HMGN3: variants seen among roughly 807,000 people sequenced by gnomAD.
The protein encoded by HMGN3 is high mobility group nucleosome-binding domain-containing protein 3.
Under a neutral mutation model 18.8 loss-of-function variants are expected in HMGN3, and 6 were observed. The observed-to-expected ratio is 0.32, with a 90% confidence interval of 0.18 to 0.63. The LOEUF (loss-of-function observed/expected upper bound fraction) is 0.63, where lower values mean the gene tolerates loss of function less well. Among genes scored for constraint, HMGN3 ranks in the 30% least tolerant of loss-of-function variants. The pLI is 0.79. For synonymous variants in HMGN3, 40 were observed against 36.5 expected, an observed-to-expected ratio of 1.10 and a Z score of -0.35; for missense variants, 107 against 114.2, an observed-to-expected ratio of 0.94 and a Z score of 0.29.
At chr6:79,210,920 T>C (rs1252727816) in intron 2 of HMGN3, among the ~76,000 whole-genome samples, 1 of 144,574 alleles carries the variant, frequency 6.9e-6, no homozygotes, top group African/African-American at 2.5e-5. Context: ...CTACTGGGAC[T>C]AACAGCTGTT....
intron 1 of HMGN3, among the ~76,000 whole-genome samples, chr6:79,230,526 T>C (rs564984111): frequency 6.6e-6 from 1 of 152,342 alleles, no homozygotes; most frequent in South Asian, 2.1e-4. Flanking sequence ...CAGTAGGTTT[T>C]TAATCTTTTT....
intron 1 of HMGN3, among the ~76,000 whole-genome samples, chr6:79,229,599 C>T (rs1360017278): frequency 6.6e-6 from 1 of 152,124 alleles, no homozygotes; most frequent in Non-Finnish European, 1.5e-5. Flanking sequence ...CATAGACGGC[C>T]GGGCGCCGTG....
At chr6:79,214,573 C>T (rs1776876588) in intron 2 of HMGN3, among the ~76,000 whole-genome samples, 1 of 152,230 alleles carries the variant, frequency 6.6e-6, no homozygotes, top group East Asian at 1.9e-4. Context: ...TTATAATCCA[C>T]TCACTGGAGC....
chr6:79,223,531 C>T (rs1357458802), intron 1 of HMGN3, among the ~76,000 whole-genome samples: 1 of 151,804 alleles, frequency 6.6e-6, no homozygotes, highest in Non-Finnish European at 1.5e-5. Context: ...CAAACACACA[C>T]ACAAACAAAC....
Position 79,234,526 on chromosome 6 carries a change from C to T in HMGN3, c.15+20G>A. The T allele has an allele frequency of 1.2e-6, 2 of 1,609,530 alleles. No homozygotes were observed. The highest frequency in any genetic ancestry group is 8.5e-7 in the Non-Finnish European group (1 of 1,176,628). ...AGCAGAATTTGAAGGCTTTTGAAAT[C>T]TTTTTTTGGTAAGACTTACCTTTCT... On this transcript the variant is annotated intron_variant, in intron 1 of 5. Coordinates refer to ENST00000344726, the Ensembl canonical transcript of HMGN3.
chr6:79,215,938 G>A (rs1776961053), intron 1 of HMGN3, among the ~76,000 whole-genome samples: 1 of 152,098 alleles, frequency 6.6e-6, no homozygotes, highest in Non-Finnish European at 1.5e-5. Context: ...TCTGAATAGA[G>A]CTCCTGTTAG....
intron 1 of HMGN3, among the ~76,000 whole-genome samples, chr6:79,215,693 A>C (rs1186204084): frequency 2.6e-5 from 4 of 152,156 alleles, no homozygotes. Context: ...TGATTCCTTT[A>C]AAGGATGTGT....
At chr6:79,228,034 C>T (rs1318096311) in intron 1 of HMGN3, among the ~76,000 whole-genome samples, 1 of 152,174 alleles carries the variant, frequency 6.6e-6, no homozygotes, top group African/African-American at 2.4e-5. Context: ...TGAAACACAA[C>T]AGGGTGGTTA....
intron 1 of HMGN3, among the ~76,000 whole-genome samples, chr6:79,216,826 C>T (rs555174843): frequency 1.3e-5 from 2 of 152,176 alleles, no homozygotes; most frequent in Admixed American, 6.5e-5. Flanking sequence ...TCTGGCCACA[C>T]AACAGACCCT....
At position 79,228,010 on chromosome 6, in the gene HMGN3, C is replaced by G. The variant is rs114205068; in HGVS notation, c.15+6536G>C. Among the ~76,000 whole-genome samples, 5 of 152,234 alleles carry G rather than the reference C, an allele frequency of 3.3e-5. No individual in the cohort carries two copies. In the East Asian group the frequency reaches 9.7e-4, roughly 29 times the overall value. On this transcript the variant is annotated intron_variant, in intron 1 of 5. Coordinates refer to ENST00000344726, the Ensembl canonical transcript of HMGN3. Reference sequence around the variant, plus strand: ...AACTTGTGCTGATTTAGAAACATGGCGCCAGACAACTTCTGAAACACAACA... The same window carrying G: ...AACTTGTGCTGATTTAGAAACATGGGGCCAGACAACTTCTGAAACACAACA...
intron 1 of HMGN3, 65 bp from the exon 2 acceptor site, chr6:79,215,087 T>A: frequency 1.0e-6 from 1 of 985,718 alleles, no homozygotes. Flanking sequence ...AAAATGTTTT[T>A]AAAAAGTTAT....
intron 2 of HMGN3, among the ~76,000 whole-genome samples, chr6:79,211,931 T>TG (rs1172677870): frequency 6.6e-5 from 10 of 152,014 alleles, no homozygotes. Flanking sequence ...TTGAAACACA[T>TG]GGACTATTCC....
chr6:79,230,290 T>C (rs1420278485), intron 1 of HMGN3, among the ~76,000 whole-genome samples: 1 of 152,120 alleles, frequency 6.6e-6, no homozygotes, highest in Non-Finnish European at 1.5e-5. Flanking sequence ...GGAGTGGGGA[T>C]TGGCTATAAA....
intron 1 of HMGN3, among the ~76,000 whole-genome samples, chr6:79,217,126 T>C (rs997785512): frequency 6.6e-6 from 1 of 152,150 alleles, no homozygotes; most frequent in Non-Finnish European, 1.5e-5. Context: ...AAAAAGCAGG[T>C]ACACTGAAAA....
chr6:79,214,084 T>A (rs1776834683), intron 2 of HMGN3, among the ~76,000 whole-genome samples: 1 of 152,212 alleles, frequency 6.6e-6, no homozygotes. Flanking sequence ...GTTTCTGAAT[T>A]TTAAAACAAA....
intron 4 of HMGN3, 64 bp from the exon 5 acceptor site, chr6:79,202,453 A>G: frequency 7.8e-7 from 1 of 1,286,182 alleles, no homozygotes; most frequent in South Asian, 1.2e-5. Flanking sequence ...GGCTAAAATC[A>G]ATCAGCCTCT....
chr6:79,220,152 A>G (rs1376348536), intron 1 of HMGN3, among the ~76,000 whole-genome samples: 1 of 152,238 alleles, frequency 6.6e-6, no homozygotes, highest in Non-Finnish European at 1.5e-5. Context: ...AGGATGATAC[A>G]GATACAGATT....
chr6:79,234,650 C>T lies in HMGN3; in HGVS notation c.-90G>A, dbSNP rs1380144532. ...TGCTGCCTCTGCCTCTGCAGCTGCTCACGCGCAGGGCACGACGTAGCCCGG... is the reference window on the plus strand; with the variant it reads ...TGCTGCCTCTGCCTCTGCAGCTGCTTACGCGCAGGGCACGACGTAGCCCGG... On this transcript the variant is annotated 5_prime_UTR_variant, in exon 1 of 6. Coordinates refer to ENST00000344726, the Ensembl canonical transcript of HMGN3. 3.0e-6 allele frequency: 4 copies of T among 1,319,854 alleles called. No individual in the cohort carries two copies. The African/African-American group carries it at 4.3e-5, about 14-fold the overall frequency. 81.8% of individuals were successfully genotyped at this position (1,319,854 alleles called of 1,614,324 possible). A position where few individuals can be genotyped will look rare whatever the true frequency, so the allele number is the denominator to read the frequency against.
intron 1 of HMGN3, among the ~76,000 whole-genome samples, chr6:79,220,508 G>A (rs9361501): frequency 0.26 from 38,805 of 152,080 alleles, 6,186 homozygotes; most frequent in Non-Finnish European, 0.36. Flanking sequence ...GTGCAATGGC[G>A]CGATCTCGGC....
Sources: gnomAD v4.1 joint callset for allele counts (sites outside exome capture counted in the v4.1 genomes callset) on GRCh38, gnomAD v4.1.1 for gene constraint, MANE v1.5 for transcripts, NCBI Gene and HGNC (gene_info 2026-07-23, HGNC 2026-07-21) for gene names.